The following RPTOR variants were observed in gnomAD, a reference collection of about 807,000 sequenced individuals.
RPTOR encodes regulatory associated protein of MTOR complex 1.
RPTOR carries 21 observed loss-of-function variants against 169.9 expected under a neutral mutation model. The ratio of observed to expected loss-of-function variants is 0.12; its 90% CI spans 0.09 to 0.18. The LOEUF (loss-of-function observed/expected upper bound fraction) is 0.18. RPTOR is among the 10% of genes least tolerant of loss of function. The pLI is 1.00. For missense variants in RPTOR, 1,133 were observed against 1,855.9 expected (o/e 0.61, Z 7.16); for synonymous variants, 732 against 753.2 (o/e 0.97, Z 0.46).
intron 6 of RPTOR, among the ~76,000 whole-genome samples, chr17:80,784,209 C>T (rs1381701835): frequency 6.6e-6 from 1 of 150,590 alleles, no homozygotes; most frequent in Non-Finnish European, 1.5e-5. Flanking sequence ...CTGCCTTGGG[C>T]TCCCAGAGTG....
intron 1 of RPTOR, among the ~76,000 whole-genome samples, chr17:80,585,451 G>T (rs1568320012): frequency 6.6e-6 from 1 of 152,170 alleles, no homozygotes; most frequent in Non-Finnish European, 1.5e-5. Flanking sequence ...TGATCCATCC[G>T]CCTTAACCTC....
chr17:80,710,556 C>T (rs1468387943), intron 4 of RPTOR, among the ~76,000 whole-genome samples: 4 of 142,704 alleles, frequency 2.8e-5, no homozygotes, highest in Admixed American at 2.2e-4. Flanking sequence ...TGATTTGCCT[C>T]CCTTGGTTAT....
At chr17:80,901,871 C>T (rs1228048866) in intron 20 of RPTOR, among the ~76,000 whole-genome samples, 1 of 151,398 alleles carries the variant, frequency 6.6e-6, no homozygotes, top group Admixed American at 6.6e-5. Context: ...CACCCTCAGT[C>T]ACGTGTTTCC....
intron 3 of RPTOR, among the ~76,000 whole-genome samples, chr17:80,680,966 G>A (rs1045101184): frequency 2.0e-5 from 3 of 152,146 alleles, no homozygotes; most frequent in Non-Finnish European, 2.9e-5. Context: ...GGAGACAACA[G>A]CAAACACACA....
chr17:80,955,480 C>G (rs535830653), intron 28 of RPTOR, among the ~76,000 whole-genome samples: 1 of 152,172 alleles, frequency 6.6e-6, no homozygotes, highest in Non-Finnish European at 1.5e-5. Context: ...AAGAGGAAAT[C>G]TTCCTAACAG....
At chr17:80,732,412 T>C (rs1163766748) in intron 5 of RPTOR, among the ~76,000 whole-genome samples, 2 of 152,174 alleles carry the variant, frequency 1.3e-5, no homozygotes, top group Non-Finnish European at 2.9e-5. Context: ...GGCAGTGCTG[T>C]GTGTGCTCTC....
chr17:80,855,303 T>C (rs149995365), intron 11 of RPTOR, among the ~76,000 whole-genome samples, 161 bp from the exon 12 acceptor site: 1 of 152,260 alleles, frequency 6.6e-6, no homozygotes, highest in Admixed American at 6.5e-5. Context: ...TCTAAAAGCA[T>C]GAACTTGTAA....
chr17:80,820,021 C>T lies in RPTOR; in HGVS notation c.891-2180C>T, dbSNP rs370044830. Among the ~76,000 whole-genome samples, 1 of 152,168 alleles carries T rather than the reference C, an allele frequency of 6.6e-6. No individual in the cohort carries two copies. The highest frequency in any genetic ancestry group is 2.4e-5 in the African/African-American group (1 of 41,444). On this transcript the variant is annotated intron_variant, in intron 7 of 33. Transcript: ENST00000306801. This position sits in a 1 kb window ranked among gnomAD's most constrained non-coding sequence, Gnocchi z 4.1. The stretch of plus-strand genomic sequence containing the variant: ...AGGCTTGGGGACGGTCCTCTGCCCT[C>T]ATAGTTTGACTAACTCCAGATATGT...
At chr17:80,825,603 C>T (rs1440214199) in intron 9 of RPTOR, among the ~76,000 whole-genome samples, 1 of 152,222 alleles carries the variant, frequency 6.6e-6, no homozygotes, top group East Asian at 1.9e-4. Context: ...CTCACCTGTG[C>T]TTATCGGTTG....
rs72849128 is a variant in RPTOR at position 80,639,689 on chromosome 17, C to T, written c.266-4039C>T. Among the ~76,000 whole-genome samples, 179 of 152,316 alleles carry T rather than the reference C, an allele frequency of 1.2e-3. 1 individual carries two copies. The highest frequency in any genetic ancestry group is 2.1e-3 in the Non-Finnish European group (146 of 68,038). On this transcript the variant is annotated intron_variant, in intron 2 of 33. Coordinates refer to ENST00000306801, the MANE Select transcript of RPTOR (RefSeq NM_020761.3). ...GGCCCTGTCTGTGCCTGGGGCACCA[C>T]TCTTTGGGGCCATTGGGCCAGATTG...
intron 9 of RPTOR, among the ~76,000 whole-genome samples, chr17:80,826,063 G>A (rs950617574): frequency 6.6e-6 from 1 of 152,146 alleles, no homozygotes; most frequent in Non-Finnish European, 1.5e-5. Context: ...GAGTGGGCCT[G>A]CCTGCATTCT....
intron 1 of RPTOR, among the ~76,000 whole-genome samples, chr17:80,580,185 G>T (rs2065002383): frequency 1.3e-5 from 2 of 151,026 alleles, no homozygotes; most frequent in African/African-American, 4.8e-5. Context: ...AGACATTTAG[G>T]TTGCTTCTGA....
intron 17 of RPTOR, among the ~76,000 whole-genome samples, chr17:80,891,029 G>A (rs1019724318): frequency 2.0e-5 from 3 of 151,752 alleles, no homozygotes; most frequent in African/African-American, 7.3e-5. Flanking sequence ...GGAAAAAAAC[G>A]TTCTTTCCGC....
chr17:80,888,065 C>G (rs908051038), intron 17 of RPTOR, among the ~76,000 whole-genome samples: 5 of 152,194 alleles, frequency 3.3e-5, no homozygotes, highest in African/African-American at 1.2e-4. Flanking sequence ...CTTACTCCCT[C>G]CCTGTCATGG....
intron 8 of RPTOR, 93 bp from the exon 9 acceptor site, chr17:80,822,986 A>T: frequency 7.0e-7 from 1 of 1,419,002 alleles, no homozygotes; most frequent in Non-Finnish European, 9.6e-7. Context: ...TCCCAACTTT[A>T]GTAATTTTTG....
At chr17:80,885,270 C>G (rs62070511) in intron 17 of RPTOR, 122 bp downstream of exon 17, 2 of 1,128,018 alleles carry the variant, frequency 1.8e-6, no homozygotes, top group South Asian at 1.6e-5. Flanking sequence ...CGTGTCATTG[C>G]GAGAGCAGAT....
intron 1 of RPTOR, chr17:80,602,526 T>G: frequency 2.1e-6 from 1 of 474,134 alleles, no homozygotes; most frequent in Non-Finnish European, 4.0e-6. Flanking sequence ...ATAACTTTAT[T>G]TGATGTATTT....
intron 5 of RPTOR, among the ~76,000 whole-genome samples, chr17:80,736,991 T>G (rs1567882755): frequency 6.6e-6 from 1 of 152,258 alleles, no homozygotes; most frequent in Non-Finnish European, 1.5e-5. Context: ...TTTTGTCATT[T>G]GTAGGCAGTA....
chr17:80,787,936 G>A (rs796553265), intron 6 of RPTOR, among the ~76,000 whole-genome samples: 2 of 151,980 alleles, frequency 1.3e-5, no homozygotes, highest in African/African-American at 2.4e-5. Context: ...ATTTTAGGAC[G>A]ACTACAAATG....
Sources: allele counts gnomAD v4.1 joint callset (sites outside exome capture counted in the v4.1 genomes callset), GRCh38; gene constraint gnomAD v4.1.1; non-coding constraint Gnocchi (gnomAD v3.1); transcripts MANE v1.5; gene names NCBI Gene and HGNC (gene_info 2026-07-23, HGNC 2026-07-21).